CIC: variants seen among roughly 807,000 people sequenced by gnomAD.
The protein encoded by CIC is protein capicua homolog.
A neutral mutation model predicts 115.7 loss-of-function variants in CIC; 18 were observed. That is an observed-to-expected ratio of 0.16 (90% CI 0.11 to 0.23). The LOEUF (loss-of-function observed/expected upper bound fraction) is 0.23, where lower values mean the gene tolerates loss of function less well. Ranked by LOEUF, CIC falls within the 10% of genes least tolerant of loss-of-function variation. The pLI, the probability that CIC is intolerant of heterozygous loss-of-function variation, is 1.00. For synonymous variants in CIC, 1,076 were observed against 923.0 expected, an observed-to-expected ratio of 1.17 and a Z score of -3.01; for missense variants, 2,000 against 2,159.3, an observed-to-expected ratio of 0.93 and a Z score of 1.46.
chr19:42,281,025 A>C (rs2037216746), intron 2 of CIC, among the ~76,000 whole-genome samples: 2 of 144,200 alleles, frequency 1.4e-5, no homozygotes, highest in South Asian at 2.2e-4. Context: ...AGCCCCACTC[A>C]CACTGACTCA....
At chr19:42,269,852 C>T (rs2036706633) in intron 1 of CIC, among the ~76,000 whole-genome samples, 1 of 151,780 alleles carries the variant, frequency 6.6e-6, no homozygotes, top group African/African-American at 2.4e-5. Context: ...GAAGCTGGTG[C>T]CAGGAGGGCT....
chr19:42,293,194 A>T lies in CIC; in HGVS notation c.6435A>T (p.Pro2145=), dbSNP rs574190165. ...QPTPPAPPPL[P]ETWTPTARSS... ...CACCACCAGCCCCTCCACCCCTGCC[A>T]GAGACCTGGACTCCCACGGCCCGGA... The change falls in exon 16 of 21, where the codon CCA becomes CCT. Residue 2145 remains proline (P), a synonymous_variant. Coordinates refer to ENST00000681038, the MANE Select transcript of CIC (RefSeq NM_001386298.1). 6.2e-7 allele frequency: 1 copy of T among 1,600,804 alleles called. No individual in the cohort carries two copies. The highest frequency in any genetic ancestry group is 1.7e-5 in the Admixed American group (1 of 58,290).
chr19:42,287,930 C>A lies in CIC; in HGVS notation c.3613C>A (p.Arg1205=). The A allele has an allele frequency of 6.2e-7, 1 of 1,606,810 alleles. No homozygotes were observed. Among genetic ancestry groups the A allele is most frequent in the South Asian group, 1.1e-5 (1 of 89,892 alleles). ...GCTGGCAGGAGGGCACAAGGAGACG[C>A]GGGAGCGGAGCATGTCGGAGACGGG... ...LGLAGGHKET[R]ERSMSETGTA... Residue 1205 remains arginine (R), a synonymous_variant, in exon 7 of 21, where the codon CGG becomes AGG. Coordinates refer to ENST00000681038, the MANE Select transcript of CIC (RefSeq NM_001386298.1). This position sits in a 1 kb window ranked among gnomAD's most constrained non-coding sequence, Gnocchi z 8.7.
chr19:42,294,542 G>T, intron 19 of CIC, 62 bp from the exon 20 acceptor site: 1 of 1,608,380 alleles, frequency 6.2e-7, no homozygotes, highest in East Asian at 2.2e-5. Flanking sequence ...TGGGCACTCA[G>T]ACGGTGGCAG....
At chr19:42,293,405 C>A in intron 16 of CIC, 124 bp downstream of exon 16, 1 of 1,340,924 alleles carries the variant, frequency 7.5e-7, no homozygotes, top group Non-Finnish European at 1.0e-6. Flanking sequence ...AGGGTCCCCT[C>A]TGTCCCTTCT....
rs1174815353 is a variant in CIC, at chr19:42,293,300, TG to T, written c.6522+23del. ...GACCATGGTGAGCGCCTGCAGGCCG[TG>T]GGGCTCCCACTGCCACTTGGCTGTG... On this transcript the variant is annotated intron_variant, in intron 16 of 20. Coordinates refer to ENST00000681038, the MANE Select transcript of CIC (RefSeq NM_001386298.1). The T allele has an allele frequency of 1.9e-6, 3 of 1,552,138 alleles. No individual in the cohort carries two copies. The highest frequency in any genetic ancestry group is 1.7e-6 in the Non-Finnish European group (2 of 1,151,700).
rs111755159 is a variant in CIC at position 42,282,564 on chromosome 19, C to G, written c.2795-4207C>G. ...CCTCGCCTTTCTGTGGTCCACGTGG[C>G]TCTGTATCATTGTCTAACTATATTC... On this transcript the variant is annotated intron_variant, in intron 2 of 20. Transcript: ENST00000681038. 6.9e-3 allele frequency among the ~76,000 whole-genome samples: 1,047 copies of G among 152,350 alleles called. 11 individuals are homozygous for G. Among genetic ancestry groups the G allele is most frequent in the Non-Finnish European group, 0.011 (729 of 68,034 alleles).
At position 42,291,033 on chromosome 19, in the gene CIC, G is replaced by A. The variant is rs1329902734; in HGVS notation, c.4992G>A (p.Lys1664=). The part of the protein sequence containing the change: ...VAGPLLGTVG[K]APATVTNLLV... ...GACCCCTGCTGGGCACTGTGGGGAA[G>A]GCGCCTGCCACTGTCACTAACCTAC... is the stretch of plus-strand genomic sequence containing the variant. The change falls in exon 11 of 21, where the codon AAG becomes AAA. Residue 1664 remains lysine, a synonymous_variant. Transcript: ENST00000681038. The A allele has an allele frequency of 1.9e-6, 3 of 1,613,596 alleles. No individual in the cohort carries two copies. The Admixed American group carries it at 5.0e-5, about 27-fold the overall frequency.
rs889367232 is a variant in CIC at position 42,272,476 on chromosome 19, C to A, written c.693C>A (p.Gly231=). 2 of 398,396 alleles carry A rather than the reference C, an allele frequency of 5.0e-6. No individual in the cohort carries two copies. The highest frequency in any genetic ancestry group is 8.8e-6 in the Non-Finnish European group (2 of 226,014). 24.7% of individuals were successfully genotyped at this position (398,396 alleles called of 1,614,324 possible). The change falls in exon 2 of 21, where the codon GGC becomes GGA. Residue 231 remains glycine, a synonymous_variant. Transcript: ENST00000681038. ...VRQVRRSQDL[G]VQFPGDRALT... ...AGGTGCGCCGAAGCCAGGACCTGGGCGTGCAGTTCCCTGGTGACCGAGCCC... is the reference window on the plus strand; with the variant it reads ...AGGTGCGCCGAAGCCAGGACCTGGGAGTGCAGTTCCCTGGTGACCGAGCCC...
chr19:42,290,467 A>C lies in CIC; in HGVS notation c.4426A>C (p.Thr1476Pro), dbSNP rs529977908. The change falls in exon 11 of 21, where the codon ACA becomes CCA. Residue 1476 changes from threonine to proline, a missense_variant. Thr to Pro is a conservative substitution (Grantham distance 38, BLOSUM62 -1). Around this residue, in one of 8 missense-constraint regions of CIC, gnomAD observed 1,466 missense variants for 1,390.4 expected, o/e 1.05. Transcript: ENST00000681038. ...GGCCCAGGAGTCTGGTCAGGGCAGC[A>C]CAGCGGGCCCCCTACGGCCCCCACC... is the stretch of plus-strand genomic sequence containing the variant. ...FKAQESGQGSTAGPLRPPPPG... is the reference protein window; with the variant it reads ...FKAQESGQGSPAGPLRPPPPG... The C allele has an allele frequency of 1.2e-6, 2 of 1,613,992 alleles. No individual in the cohort carries two copies. Among genetic ancestry groups the C allele is most frequent in the South Asian group, 1.1e-5 (1 of 91,080 alleles).
chr19:42,282,534 G>C (rs1201622733), intron 2 of CIC, among the ~76,000 whole-genome samples: 5 of 152,188 alleles, frequency 3.3e-5, no homozygotes, highest in Admixed American at 3.3e-4. Context: ...CTTTGTGTGA[G>C]CCCCCCTCGC....
chr19:42,284,703 C>T (rs956854811), intron 2 of CIC: 5 of 1,547,920 alleles, frequency 3.2e-6, no homozygotes, highest in African/African-American at 2.7e-5. Flanking sequence ...CTGCGCCGGA[C>T]CATGTATTCG....
intron 2 of CIC, among the ~76,000 whole-genome samples, chr19:42,276,715 G>T (rs1416043341): frequency 6.6e-6 from 1 of 152,154 alleles, no homozygotes; most frequent in Non-Finnish European, 1.5e-5. Context: ...CTTAGGTAAT[G>T]AAGAAACTAA....
intron 19 of CIC, 22 bp from the exon 20 acceptor site, chr19:42,294,582 A>G (rs374631133): frequency 2.9e-4 from 463 of 1,612,530 alleles, no homozygotes; most frequent in Non-Finnish European, 3.7e-4. Flanking sequence ...CAGCCTTGCC[A>G]TGCTGCCTGT....
intron 2 of CIC, among the ~76,000 whole-genome samples, chr19:42,285,376 C>T (rs1002401308): frequency 6.6e-6 from 1 of 152,112 alleles, no homozygotes; most frequent in African/African-American, 2.4e-5. Flanking sequence ...GGTCTAAGTC[C>T]CTGGAGGCTT....
Position 42,295,361 on chromosome 19 carries a change from C to T in CIC, c.*170C>T, listed in dbSNP as rs577255222. The T allele has an allele frequency of 4.4e-5, 28 of 633,202 alleles. No individual in the cohort carries two copies. The highest frequency in any genetic ancestry group is 1.7e-4 in the East Asian group (6 of 35,488). The allele number at this position is 633,202 out of a possible 1,614,324, so 39.2% of individuals were successfully genotyped here. On this transcript the variant is annotated 3_prime_UTR_variant, in exon 21 of 21. Coordinates refer to ENST00000681038, the MANE Select transcript of CIC (RefSeq NM_001386298.1). Reference sequence around the variant, plus strand: ...ACCCCCTTCCCTCGAAGCTCCCTCCCGGTGCTGGGGGGCAGCTGAGGGGCT... The same window carrying T: ...ACCCCCTTCCCTCGAAGCTCCCTCCTGGTGCTGGGGGGCAGCTGAGGGGCT...
rs200166534 is a variant in CIC, at chr19:42,289,351, G to A, written c.4032G>A (p.Thr1344=). ...RSQRAASEDM[T]SDEERMVICE... is the part of the protein sequence containing the mutation. The stretch of plus-strand genomic sequence containing the variant: ...AGCGTGCGGCCAGTGAGGACATGAC[G>A]AGTGATGAGGAGCGCATGGTCATCT... Residue 1344 remains threonine, a synonymous_variant, in exon 9 of 21, where the codon ACG becomes ACA. Transcript: ENST00000681038. 108 of 1,613,176 alleles carry A rather than the reference G, an allele frequency of 6.7e-5. No individual in the cohort carries two copies. Among genetic ancestry groups the A allele is most frequent in the East Asian group, 2.9e-4 (13 of 44,852 alleles).
chr19:42,285,320 A>G (rs750164656), intron 2 of CIC, among the ~76,000 whole-genome samples: 1 of 152,112 alleles, frequency 6.6e-6, no homozygotes. Context: ...CACCCCCCAG[A>G]AAAGAGGAGG....
chr19:42,285,930 C>T (rs189017172), intron 2 of CIC, among the ~76,000 whole-genome samples: 2 of 152,236 alleles, frequency 1.3e-5, no homozygotes, highest in East Asian at 1.9e-4. Context: ...GCACTTGTGC[C>T]CTCTCTGGGT....
Sources: allele counts gnomAD v4.1 joint callset (sites outside exome capture counted in the v4.1 genomes callset), GRCh38; gene constraint gnomAD v4.1.1; regional missense constraint gnomAD v4.1.1; non-coding constraint Gnocchi (gnomAD v3.1); transcripts MANE v1.5; gene names NCBI Gene and HGNC (gene_info 2026-07-23, HGNC 2026-07-21).